The following ERICH3 variants were observed in gnomAD, a reference collection of about 807,000 sequenced individuals.
ERICH3 encodes glutamate rich 3, also known as glutamate-rich protein 3.
In ERICH3, 126 loss-of-function variants were observed where a neutral mutation model predicts 131.1. The ratio of observed to expected loss-of-function variants is 0.96; its 90% confidence interval spans 0.83 to 1.11. The LOEUF (loss-of-function observed/expected upper bound fraction) is 1.11. ERICH3 is among the 50% of genes most tolerant of loss of function. The pLI, the probability that ERICH3 is intolerant of heterozygous loss-of-function variation, is 0.00. For synonymous variants in ERICH3, 695 were observed against 644.6 expected (o/e 1.08, Z -1.18); for missense variants, 2,050 against 1,810.7 (o/e 1.13, Z -2.40).
chr1:74,606,974 A>G, intron 9 of ERICH3, 72 bp from the exon 10 acceptor site: 1 of 1,372,272 alleles, frequency 7.3e-7, no homozygotes, highest in Non-Finnish European at 9.9e-7. Context: ...AAGCTTTTGA[A>G]AGCACTTATC....
chr1:74,641,714 C>T (rs1472180782), intron 4 of ERICH3, among the ~76,000 whole-genome samples: 1 of 151,974 alleles, frequency 6.6e-6, no homozygotes, highest in Non-Finnish European at 1.5e-5. Context: ...TCAAGCAGAT[C>T]ACTACAAAAG....
intron 7 of ERICH3, chr1:74,621,921 C>T (rs1415808035): frequency 6.6e-6 from 1 of 152,118 alleles, no homozygotes; most frequent in Admixed American, 6.6e-5. Context: ...CCAGCCTTTC[C>T]TTCTCATCTA....
At chr1:74,645,655 T>C (rs1044303961) in intron 3 of ERICH3, among the ~76,000 whole-genome samples, 2 of 152,092 alleles carry the variant, frequency 1.3e-5, no homozygotes, top group Non-Finnish European at 2.9e-5. Flanking sequence ...ATTAATTTTA[T>C]TTATTTTTTC....
intron 11 of ERICH3, 133 bp from the exon 12 acceptor site, chr1:74,590,213 C>T (rs1453374498): frequency 2.4e-6 from 2 of 819,422 alleles, no homozygotes; most frequent in Non-Finnish European, 3.7e-6. Flanking sequence ...ATCCTTTTCC[C>T]ATATAGTCTA....
intron 1 of ERICH3, among the ~76,000 whole-genome samples, chr1:74,651,959 A>G (rs1387185860): frequency 4.6e-5 from 7 of 152,160 alleles, no homozygotes; most frequent in Middle Eastern, 3.2e-3. Flanking sequence ...ATGCCTGTCC[A>G]GGCTTACAAA....
chr1:74,570,457 G>A lies in ERICH3; in HGVS notation c.*19-18C>T, dbSNP rs899066052. The A allele has an allele frequency of 6.6e-6, 1 of 152,084 alleles. No individual in the cohort carries two copies. Among genetic ancestry groups the A allele is most frequent in the African/African-American group, 2.4e-5 (1 of 41,360 alleles). The allele number at this position is 152,084 out of a possible 1,614,324, so 9.4% of individuals were successfully genotyped here. A position where few individuals can be genotyped will look rare whatever the true frequency, so the allele number is the denominator to read the frequency against. ...AAATTATCCTGAAAAACAATAAAAA[G>A]GATAGTAGTACCAGGATAAAATCAC... is the stretch of plus-strand genomic sequence containing the variant. On this transcript the variant is annotated intron_variant, in intron 14 of 14. Coordinates refer to ENST00000326665, the MANE Select transcript of ERICH3 (RefSeq NM_001002912.5).
In ERICH3 at chr1:74,572,373, C is replaced by T. The variant is rs1422490302; in HGVS notation, c.3337G>A (p.Glu1113Lys). ...TCATTTGGGGGAGCTTTTGTCTCTTCCTCAGCTCTTACTTCTGTCTCTGTT... is the reference window on the plus strand; with the variant it reads ...TCATTTGGGGGAGCTTTTGTCTCTTTCTCAGCTCTTACTTCTGTCTCTGTT... Reference protein sequence around the residue: ...GETETEVRAEEETKAPPNEMG... With the variant: ...GETETEVRAEKETKAPPNEMG... The change falls in exon 14 of 15, where the codon GAA becomes AAA. Residue 1113 changes from glutamate to lysine, a missense_variant. Glu to Lys is a moderately conservative substitution (Grantham distance 56). Coordinates refer to ENST00000326665, the MANE Select transcript of ERICH3 (RefSeq NM_001002912.5). 6.2e-7 allele frequency: 1 copy of T among 1,613,844 alleles called. No individual in the cohort carries two copies.
At chr1:74,642,972 T>A in intron 4 of ERICH3, 55 bp downstream of exon 4, 1 of 1,350,074 alleles carries the variant, frequency 7.4e-7, no homozygotes, top group Non-Finnish European at 1.0e-6. Flanking sequence ...TCACTGTTTT[T>A]TTTAAAATCA....
At chr1:74,618,305 T>A (rs1649067757) in intron 8 of ERICH3, among the ~76,000 whole-genome samples, 1 of 152,026 alleles carries the variant, frequency 6.6e-6, no homozygotes, top group Admixed American at 6.6e-5. Flanking sequence ...TCCTAAAAGA[T>A]GGGTAAGATT....
chr1:74,606,454 A>G, intron 10 of ERICH3, 147 bp downstream of exon 10: 1 of 776,472 alleles, frequency 1.3e-6, no homozygotes, highest in Non-Finnish European at 2.0e-6. Flanking sequence ...TCCATACAAA[A>G]CAGCAAAGGA....
chr1:74,669,914 A>T (rs758033654), intron 1 of ERICH3, among the ~76,000 whole-genome samples: 2 of 152,170 alleles, frequency 1.3e-5, no homozygotes, highest in Non-Finnish European at 2.9e-5. Flanking sequence ...CTTTGTTACC[A>T]TTTTACCCTT....
chr1:74,589,870 T>C lies in ERICH3; in HGVS notation c.1937A>G (p.Asp646Gly), dbSNP rs1647503931. 1 of 1,613,992 alleles carries C rather than the reference T, an allele frequency of 6.2e-7. No individual in the cohort carries two copies. Among genetic ancestry groups the C allele is most frequent in the Non-Finnish European group, 8.5e-7 (1 of 1,179,980 alleles). The change falls in exon 12 of 15, where the codon GAC becomes GGC. Residue 646 changes from aspartate (D) to glycine (G), a missense_variant. By Grantham distance (94) the Asp-to-Gly change is moderately conservative. Coordinates refer to ENST00000326665, the MANE Select transcript of ERICH3 (RefSeq NM_001002912.5). ...CACATCTGCTTTTGTTATTTCTTGG[T>C]CTTCAATTTCAATTTCTAAGGATTC... The part of the protein sequence containing the change: ...IEESLEIEIE[D>G]QEITKADVET...
chr1:74,577,433 G>T (rs920282975), intron 12 of ERICH3: 1 of 153,628 alleles, frequency 6.5e-6, no homozygotes, highest in African/African-American at 2.4e-5. Flanking sequence ...CAGCATCACA[G>T]TGGCAGTGGT....
rs533745262 is a variant in ERICH3 at position 74,590,399 on chromosome 1, A to T, written c.1727-319T>A. Among the ~76,000 whole-genome samples, 5 of 152,268 alleles carry T rather than the reference A, an allele frequency of 3.3e-5. No homozygotes were observed. The South Asian group carries it at 1.0e-3, about 32-fold the overall frequency. On this transcript the variant is annotated intron_variant, in intron 11 of 14. Transcript: ENST00000326665. ...ATATAATGAAGTAATTATACAACTG[A>T]CAATAATATAGAATCAGTGGGAGCC...
chr1:74,609,485 A>G (rs1648584462), intron 9 of ERICH3, among the ~76,000 whole-genome samples: 1 of 152,062 alleles, frequency 6.6e-6, no homozygotes, highest in African/African-American at 2.4e-5. Flanking sequence ...ACAGAAGGTA[A>G]TAACCTTTGG....
At chr1:74,610,927 A>C (rs1430120340) in intron 9 of ERICH3, among the ~76,000 whole-genome samples, 1 of 152,136 alleles carries the variant, frequency 6.6e-6, no homozygotes, top group African/African-American at 2.4e-5. Context: ...TTTATTTCCA[A>C]GATACTACTC....
chr1:74,660,599 A>G (rs1414344319), intron 1 of ERICH3, among the ~76,000 whole-genome samples: 7 of 140,852 alleles, frequency 5.0e-5, no homozygotes, highest in East Asian at 2.0e-4. Context: ...ACAAGTGTAT[A>G]TATATATATA....
At chr1:74,637,081 T>G (rs1414499427) in intron 5 of ERICH3, among the ~76,000 whole-genome samples, 1 of 152,212 alleles carries the variant, frequency 6.6e-6, no homozygotes, top group Non-Finnish European at 1.5e-5. Context: ...TTTGTCCCTC[T>G]AGATCTACCA....
intron 10 of ERICH3, among the ~76,000 whole-genome samples, chr1:74,604,563 C>A (rs1008988863): frequency 6.6e-6 from 1 of 151,870 alleles, no homozygotes; most frequent in Non-Finnish European, 1.5e-5. Flanking sequence ...ACTCCTTGAT[C>A]CATAAGGATA....
Sources: allele counts gnomAD v4.1 joint callset (sites outside exome capture counted in the v4.1 genomes callset), GRCh38; gene constraint gnomAD v4.1.1; transcripts MANE v1.5; gene names NCBI Gene and HGNC (gene_info 2026-07-23, HGNC 2026-07-21).